The following RFX3 variants were observed in gnomAD, a reference collection of about 807,000 sequenced individuals.
RFX3 encodes transcription factor RFX3.
In RFX3, 14 loss-of-function variants were observed where a neutral mutation model predicts 98.6. The ratio of observed to expected loss-of-function variants is 0.14; its 90% CI spans 0.09 to 0.22. The LOEUF (loss-of-function observed/expected upper bound fraction) is 0.22, where lower values mean the gene tolerates loss of function less well. Among genes scored for constraint, RFX3 ranks in the 10% least tolerant of loss-of-function variants. The pLI is 1.00. For missense variants in RFX3, 639 were observed against 926.9 expected (o/e 0.69, Z 4.03); for synonymous variants, 383 against 328.4 (o/e 1.17, Z -1.80).
At chr9:3,234,835 T>C (rs895177763) in intron 15 of RFX3, among the ~76,000 whole-genome samples, 19 of 152,192 alleles carry the variant, frequency 1.2e-4, no homozygotes, top group Admixed American at 1.0e-3. Flanking sequence ...AGAAGATTTT[T>C]ATCTTTCAGA....
At chr9:3,280,765 G>T (rs1049400967) in intron 7 of RFX3, among the ~76,000 whole-genome samples, 10 of 151,730 alleles carry the variant, frequency 6.6e-5, no homozygotes, top group African/African-American at 2.4e-4. Flanking sequence ...TGAGAATGGA[G>T]CTTAGGAACT....
At chr9:3,467,276 A>T (rs949956823) in intron 1 of RFX3, among the ~76,000 whole-genome samples, 1 of 145,798 alleles carries the variant, frequency 6.9e-6, no homozygotes, top group South Asian at 2.1e-4. Flanking sequence ...ACATACATAC[A>T]TATATATACA....
At chr9:3,363,777 T>A (rs1836741312) in intron 2 of RFX3, among the ~76,000 whole-genome samples, 1 of 152,236 alleles carries the variant, frequency 6.6e-6, no homozygotes, top group African/African-American at 2.4e-5. Context: ...AATCCTAGAA[T>A]TCCTCCCACA....
At chr9:3,262,311 T>G (rs1476882511) in intron 13 of RFX3, among the ~76,000 whole-genome samples, 1 of 152,196 alleles carries the variant, frequency 6.6e-6, no homozygotes, top group Non-Finnish European at 1.5e-5. Context: ...TTTTAAAATA[T>G]ACTTTAAAGT....
intron 1 of RFX3, among the ~76,000 whole-genome samples, chr9:3,507,703 G>A (rs1489344000): frequency 6.6e-6 from 1 of 151,838 alleles, no homozygotes; most frequent in African/African-American, 2.4e-5. Context: ...ATCCTCCCGT[G>A]TATACTTTAA....
In RFX3 at chr9:3,430,794, GA is replaced by G. The variant is rs1013446191; in HGVS notation, c.-8-35199del. ...ATTTTTTAGAGATGTGTAACAATTT[GA>G]AAAAAAAAATCACATAAAGAATGAG... On this transcript the variant is annotated intron_variant, in intron 1 of 16. Coordinates refer to ENST00000617270, the MANE Select transcript of RFX3 (RefSeq NM_001282116.2). Among the ~76,000 whole-genome samples the G allele has an allele frequency of 4.1e-3, 600 of 146,278 alleles. 7 individuals are homozygous for G. The highest frequency in any genetic ancestry group is 0.014 in the African/African-American group (569 of 39,950).
At chr9:3,470,563 G>A (rs187342039) in intron 1 of RFX3, among the ~76,000 whole-genome samples, 3 of 151,530 alleles carry the variant, frequency 2.0e-5, no homozygotes, top group African/African-American at 4.8e-5. Flanking sequence ...TCCTGACCTC[G>A]TGATCCGCCC....
chr9:3,468,759 T>G (rs1403151939), intron 1 of RFX3, among the ~76,000 whole-genome samples: 1 of 150,246 alleles, frequency 6.7e-6, no homozygotes, highest in Non-Finnish European at 1.5e-5. Context: ...TAAGTCAACA[T>G]TAGCCTTGGA....
intron 1 of RFX3, among the ~76,000 whole-genome samples, chr9:3,476,077 G>C (rs371977819): frequency 1.3e-5 from 2 of 151,952 alleles, no homozygotes; most frequent in African/African-American, 4.8e-5. Context: ...TCTCTGTATG[G>C]CCTAGTTTTT....
intron 2 of RFX3, among the ~76,000 whole-genome samples, chr9:3,363,489 C>T (rs900959919): frequency 6.6e-6 from 1 of 152,130 alleles, no homozygotes; most frequent in Admixed American, 6.5e-5. Context: ...GGGTATAGAA[C>T]TGGAAATTAC....
chr9:3,474,047 T>C (rs989534134), intron 1 of RFX3, among the ~76,000 whole-genome samples: 11 of 152,202 alleles, frequency 7.2e-5, no homozygotes, highest in Admixed American at 4.6e-4. Flanking sequence ...AGAATTTGCA[T>C]GCTATGAAAT....
chr9:3,510,701 A>G (rs947689909), intron 1 of RFX3, among the ~76,000 whole-genome samples: 9 of 152,090 alleles, frequency 5.9e-5, no homozygotes, highest in Non-Finnish European at 1.3e-4. Context: ...CATTAAATTC[A>G]TAAGGAAATC....
chr9:3,223,024 TA>T lies in RFX3; in HGVS notation c.*2017del, dbSNP rs1410354259. On this transcript the variant is annotated 3_prime_UTR_variant, in exon 17 of 17. Coordinates refer to ENST00000617270, the MANE Select transcript of RFX3 (RefSeq NM_001282116.2). Reference sequence around the variant, plus strand: ...GTGTATTACCCGATAAGCCATTTGGTATTTCTAACTTTACAGACTGGCTCAC... The same window carrying T: ...GTGTATTACCCGATAAGCCATTTGGTTTTCTAACTTTACAGACTGGCTCAC... 6.6e-6 allele frequency: 1 copy of T among 152,170 alleles called. No individual in the cohort carries two copies. Among genetic ancestry groups the T allele is most frequent in the Non-Finnish European group, 1.5e-5 (1 of 68,014 alleles). 9.4% of individuals were successfully genotyped at this position (152,170 alleles called of 1,614,324 possible).
intron 1 of RFX3, among the ~76,000 whole-genome samples, chr9:3,441,715 G>C (rs1845625828): frequency 6.6e-6 from 1 of 151,936 alleles, no homozygotes; most frequent in Admixed American, 6.6e-5. Flanking sequence ...TAAATGATTG[G>C]AGAAATAAAT....
chr9:3,465,811 G>T (rs531182796), intron 1 of RFX3, among the ~76,000 whole-genome samples: 2 of 152,054 alleles, frequency 1.3e-5, no homozygotes, highest in East Asian at 3.9e-4. Flanking sequence ...TATTGCTATG[G>T]TGAAAAAAAG....
chr9:3,448,061 T>G (rs1034722557), intron 1 of RFX3, among the ~76,000 whole-genome samples: 1 of 152,094 alleles, frequency 6.6e-6, no homozygotes, highest in Non-Finnish European at 1.5e-5. Context: ...AAAGCAAGAA[T>G]AAATCATGCT....
At chr9:3,383,446 A>T (rs950008312) in intron 2 of RFX3, among the ~76,000 whole-genome samples, 1 of 152,058 alleles carries the variant, frequency 6.6e-6, no homozygotes, top group Non-Finnish European at 1.5e-5. Flanking sequence ...GGCTTATAGC[A>T]CTTCACAGTT....
At chr9:3,266,565 T>G (rs1823658545) in intron 11 of RFX3, among the ~76,000 whole-genome samples, 1 of 152,054 alleles carries the variant, frequency 6.6e-6, no homozygotes, top group Admixed American at 6.6e-5. Flanking sequence ...TTCAAACATT[T>G]TTGCTTACAG....
At chr9:3,339,870 G>A (rs7865021) in intron 3 of RFX3, among the ~76,000 whole-genome samples, 46,649 of 151,804 alleles carry the variant, frequency 0.31, 10,907 homozygotes, top group African/African-American at 0.66. Context: ...TCAAGCTACC[G>A]ATGACTTTCT....
Sources: gnomAD v4.1 joint callset for allele counts (sites outside exome capture counted in the v4.1 genomes callset) on GRCh38, gnomAD v4.1.1 for gene constraint, MANE v1.5 for transcripts, NCBI Gene and HGNC (gene_info 2026-07-23, HGNC 2026-07-21) for gene names.